Variants in TFDP2 observed in about 807,000 individuals in gnomAD.
TFDP2 encodes the protein transcription factor Dp-2.
In TFDP2, 17 loss-of-function variants were observed where a neutral mutation model predicts 59.3. The ratio of observed to expected loss-of-function variants is 0.29; its 90% CI spans 0.20 to 0.43. TFDP2 has a LOEUF of 0.43. Ranked by LOEUF, TFDP2 falls within the 20% of genes least tolerant of loss-of-function variation. The probability of loss-of-function intolerance (pLI) is 1.00; values close to 1 mark genes in which losing one functional copy is unlikely to be tolerated. For missense variants in TFDP2, 391 were observed against 528.8 expected (o/e 0.74, Z 2.56); for synonymous variants, 180 against 194.7 (o/e 0.92, Z 0.63).
chr3:141,949,827 T>TTTTTTTTTAGACA lies in TFDP2; in HGVS notation c.*2685_*2686insTGTCTAAAAAAAA, dbSNP rs1477227200. ...CTTCCATTTTTTTTTTTTTTTTTTTTGAGACAGGGTCTTGCTCTGTCACCC... is the reference window on the plus strand; with the variant it reads ...CTTCCATTTTTTTTTTTTTTTTTTTTTTTTTTTTAGACAGAGACAGGGTCTTGCTCTGTCACCC... On this transcript the variant is annotated 3_prime_UTR_variant, in exon 13 of 13. Transcript: ENST00000489671. 6.6e-6 allele frequency: 1 copy of TTTTTTTTTAGACA among 150,774 alleles called. No homozygotes were observed. Among genetic ancestry groups the TTTTTTTTTAGACA allele is most frequent in the Non-Finnish European group, 1.5e-5 (1 of 68,828 alleles). The allele number at this position is 150,774 out of a possible 1,614,324, so 9.3% of individuals were successfully genotyped here. A position where few individuals can be genotyped will look rare whatever the true frequency, so the allele number is the denominator to read the frequency against.
chr3:142,129,086 T>C (rs2062390521), intron 1 of TFDP2, among the ~76,000 whole-genome samples: 2 of 152,092 alleles, frequency 1.3e-5, no homozygotes. Flanking sequence ...TGGCTTTTAA[T>C]GCCCTTAAAG....
intron 1 of TFDP2, among the ~76,000 whole-genome samples, chr3:142,106,671 CTGTT>C (rs1044019718): frequency 2.0e-5 from 3 of 152,156 alleles, no homozygotes; most frequent in Admixed American, 6.5e-5. Flanking sequence ...CCAAGCTCTT[CTGTT>C]AGTTAAAAAA....
At chr3:142,143,766 G>C (rs1461849931) in intron 1 of TFDP2, among the ~76,000 whole-genome samples, 1 of 152,190 alleles carries the variant, frequency 6.6e-6, no homozygotes, top group African/African-American at 2.4e-5. Flanking sequence ...TACTGGTGGG[G>C]ATGTGCAGAG....
At chr3:141,978,280 GGTTGCA>G (rs144499542) in intron 7 of TFDP2, among the ~76,000 whole-genome samples, 11,111 of 151,666 alleles carry the variant, frequency 0.073, 491 homozygotes, top group Non-Finnish European at 0.11. Context: ...GGGAGGCAGA[GGTTGCA>G]GTGAGCCGAG....
chr3:142,137,253 G>A (rs917180097), intron 1 of TFDP2, among the ~76,000 whole-genome samples: 1 of 152,182 alleles, frequency 6.6e-6, no homozygotes, highest in Non-Finnish European at 1.5e-5. Flanking sequence ...CTTTGCTGAA[G>A]TTGCTTATCA....
chr3:142,052,401 C>T (rs7430954), intron 3 of TFDP2, among the ~76,000 whole-genome samples: 134,546 of 150,832 alleles, frequency 0.89, 60,242 homozygotes, highest in African/African-American at 0.97. Flanking sequence ...AAAAATTAGC[C>T]GGGCGTGGTG....
chr3:142,094,677 T>C (rs969934655), intron 2 of TFDP2, among the ~76,000 whole-genome samples: 1 of 152,156 alleles, frequency 6.6e-6, no homozygotes, highest in African/African-American at 2.4e-5. Flanking sequence ...ATCATTGATA[T>C]ATAAAAATGG....
At chr3:141,974,907 C>CTTTTTTTTTT (rs753702830) in intron 7 of TFDP2, among the ~76,000 whole-genome samples, 47 of 90,500 alleles carry the variant, frequency 5.2e-4, no homozygotes, top group African/African-American at 9.2e-4. Flanking sequence ...TCTTCTTCTT[C>CTTTTTTTTTT]TTTTTTTTTT....
At chr3:142,017,391 A>G (rs982309991) in intron 3 of TFDP2, among the ~76,000 whole-genome samples, 1 of 152,148 alleles carries the variant, frequency 6.6e-6, no homozygotes, top group Non-Finnish European at 1.5e-5. Context: ...GTATATATAC[A>G]AATTCATAAA....
At chr3:141,990,502 G>A (rs1372718461) in intron 6 of TFDP2, among the ~76,000 whole-genome samples, 1 of 152,112 alleles carries the variant, frequency 6.6e-6, no homozygotes, top group Non-Finnish European at 1.5e-5. Flanking sequence ...TCAAAGTGCT[G>A]AGATTACAGG....
chr3:142,122,773 C>T (rs868789681), intron 1 of TFDP2, among the ~76,000 whole-genome samples: 5 of 152,136 alleles, frequency 3.3e-5, no homozygotes, highest in African/African-American at 7.2e-5. Flanking sequence ...AGGGATGCAG[C>T]TGTGAGCCTA....
chr3:142,016,485 G>C (rs1336523104), intron 3 of TFDP2, among the ~76,000 whole-genome samples: 1 of 151,942 alleles, frequency 6.6e-6, no homozygotes, highest in African/African-American at 2.4e-5. Flanking sequence ...ATTTTTAGTA[G>C]AGATGGGGTT....
intron 3 of TFDP2, among the ~76,000 whole-genome samples, chr3:142,051,985 G>T (rs1947652883): frequency 6.6e-6 from 1 of 151,962 alleles, no homozygotes; most frequent in Non-Finnish European, 1.5e-5. Context: ...AATTAGCTGG[G>T]TGTGGTTGCA....
At chr3:142,129,676 G>A (rs2062419774) in intron 1 of TFDP2, among the ~76,000 whole-genome samples, 1 of 150,906 alleles carries the variant, frequency 6.6e-6, no homozygotes, top group African/African-American at 2.4e-5. Flanking sequence ...TCAGCCTCCT[G>A]AGTAGTTGGG....
chr3:142,131,082 T>C (rs1281668264), intron 1 of TFDP2, among the ~76,000 whole-genome samples: 1 of 139,732 alleles, frequency 7.2e-6, no homozygotes, highest in East Asian at 2.0e-4. Context: ...GAAAACAAAA[T>C]ACAATTGCTA....
At position 141,949,088 on chromosome 3, in the gene TFDP2, A is replaced by G. The variant is rs1193079649; in HGVS notation, c.*3425T>C. 2 of 149,664 alleles carry G rather than the reference A, an allele frequency of 1.3e-5. No individual in the cohort carries two copies. The highest frequency in any genetic ancestry group is 3.0e-5 in the Non-Finnish European group (2 of 67,654). The allele number at this position is 149,664 out of a possible 1,614,324, so 9.3% of individuals were successfully genotyped here. On this transcript the variant is annotated 3_prime_UTR_variant, in exon 13 of 13. Transcript: ENST00000489671. ...GAGACTCAGTCTCAAAAAAAAAAAA[A>G]AAAAAAAAAAAAATTTCCATTTGAA...
rs960263445 is a variant in TFDP2, at chr3:142,049,356, A to G, written c.82+43705T>C. On this transcript the variant is annotated intron_variant, in intron 3 of 12. Transcript: ENST00000489671. ...TAATTCCCCATATCATCAGAATAAA[A>G]AAGAAGAACTACACTATCATCTTCA... is the stretch of plus-strand genomic sequence containing the variant. Among the ~76,000 whole-genome samples, 4 of 152,198 alleles carry G rather than the reference A, an allele frequency of 2.6e-5. No homozygotes were observed. In the South Asian group the frequency reaches 8.3e-4, roughly 32 times the overall value.
intron 3 of TFDP2, among the ~76,000 whole-genome samples, chr3:142,014,856 T>C (rs1945007040): frequency 6.6e-6 from 1 of 152,214 alleles, no homozygotes; most frequent in African/African-American, 2.4e-5. Context: ...GGTCCTCCAG[T>C]TACCAACTAA....
At chr3:142,076,494 A>G (rs2060462872) in intron 3 of TFDP2, among the ~76,000 whole-genome samples, 1 of 152,162 alleles carries the variant, frequency 6.6e-6, no homozygotes, top group Non-Finnish European at 1.5e-5. Flanking sequence ...AATGGAAGAA[A>G]TGTTTCAAGT....
Sources: allele counts gnomAD v4.1 joint callset (sites outside exome capture counted in the v4.1 genomes callset), GRCh38; gene constraint gnomAD v4.1.1; transcripts MANE v1.5; gene names NCBI Gene and HGNC (gene_info 2026-07-23, HGNC 2026-07-21).